Variants in USP24 observed in about 807,000 individuals in gnomAD.
USP24 encodes ubiquitin specific peptidase 24.
A neutral mutation model predicts 361.6 loss-of-function variants in USP24; 97 were observed. The ratio of observed to expected loss-of-function variants is 0.27; its 90% CI spans 0.23 to 0.32. The LOEUF (loss-of-function observed/expected upper bound fraction) is 0.32, where lower values mean the gene tolerates loss of function less well. Among genes scored for constraint, USP24 ranks in the 10% least tolerant of loss-of-function variants. USP24 has a pLI of 1.00. For synonymous variants in USP24, 1,098 were observed against 1,124.6 expected (o/e 0.98, Z 0.47); for missense variants, 2,353 against 3,165.6 (o/e 0.74, Z 6.16).
intron 24 of USP24, among the ~76,000 whole-genome samples, chr1:55,139,478 A>G (rs772802194): frequency 4.6e-5 from 7 of 152,230 alleles, no homozygotes; most frequent in Non-Finnish European, 8.8e-5. Flanking sequence ...AAAAGTTGCT[A>G]TCTAAAAATG....
In USP24 at chr1:55,073,924, G is replaced by A. The variant is rs1644969701; in HGVS notation, c.7448-18C>T. On this transcript the variant is annotated intron_variant, in intron 63 of 67. Transcript: ENST00000294383. ...CATCAAAGCTGAGGGAAGAGAAAAG[G>A]ACATTTTAACAATAAAAGACTCAAC... 4 of 1,555,108 alleles carry A rather than the reference G, an allele frequency of 2.6e-6. No individual in the cohort carries two copies. The highest frequency in any genetic ancestry group is 3.5e-6 in the Non-Finnish European group (4 of 1,147,690).
At chr1:55,176,975 C>T (rs184341075) in intron 2 of USP24, among the ~76,000 whole-genome samples, 1,522 of 151,908 alleles carry the variant, frequency 0.01, 16 homozygotes, top group Admixed American at 0.022. Flanking sequence ...CCTGTTGTCC[C>T]GGCTACTTGG....
rs776775259 is a variant in USP24 at position 55,084,784 on chromosome 1, T to C, written c.6766-896A>G. Among the ~76,000 whole-genome samples, 5 of 152,344 alleles carry C rather than the reference T, an allele frequency of 3.3e-5. No homozygotes were observed. In the East Asian group the frequency reaches 9.6e-4, roughly 29 times the overall value. On this transcript the variant is annotated intron_variant, in intron 56 of 67. Transcript: ENST00000294383. ...CAGCTGGGCATCAGACAGAATTCAC[T>C]GAGCAAATGGCTTCCAAGTGTATGG... is the stretch of plus-strand genomic sequence containing the variant.
chr1:55,091,811 C>A (rs1645383303), intron 54 of USP24, among the ~76,000 whole-genome samples: 1 of 152,096 alleles, frequency 6.6e-6, no homozygotes, highest in Non-Finnish European at 1.5e-5. Context: ...AGAATTTATA[C>A]CTTGGTATAA....
rs1650157218 is a variant in USP24, at chr1:55,177,977, T to C, written c.480A>G (p.Leu160=). ...LGKCLLASTY[L]ARLGLSESDE... is the part of the protein sequence containing the mutation. ...GGTCTGAAAACTTACCAAGTCTTGC[T>C]AGGTAGGTAGATGCCAACAGGCATT... Residue 160 remains leucine, a synonymous_variant, in exon 2 of 68, where the codon CTA becomes CTG. Transcript: ENST00000294383. 1.3e-6 allele frequency: 2 copies of C among 1,551,258 alleles called. No individual in the cohort carries two copies. Among genetic ancestry groups the C allele is most frequent in the Admixed American group, 2.0e-5 (1 of 50,860 alleles).
intron 1 of USP24, among the ~76,000 whole-genome samples, chr1:55,190,631 G>A (rs1246372920): frequency 6.6e-6 from 1 of 152,164 alleles, no homozygotes; most frequent in Non-Finnish European, 1.5e-5. Context: ...AATGGTCACT[G>A]ATTATAAATT....
At chr1:55,189,127 T>C (rs1644219148) in intron 1 of USP24, among the ~76,000 whole-genome samples, 1 of 152,190 alleles carries the variant, frequency 6.6e-6, no homozygotes, top group Non-Finnish European at 1.5e-5. Context: ...AAGTTTCCAC[T>C]TGACATAACA....
chr1:55,076,197 A>C (rs186821886), intron 62 of USP24, among the ~76,000 whole-genome samples: 392 of 152,318 alleles, frequency 2.6e-3, no homozygotes, highest in Non-Finnish European at 4.2e-3. Flanking sequence ...CTTGCTTAGT[A>C]AAAATGTATT....
intron 57 of USP24, among the ~76,000 whole-genome samples, 175 bp from the exon 58 acceptor site, chr1:55,083,539 T>C (rs1645192788): frequency 6.6e-6 from 1 of 152,216 alleles, no homozygotes; most frequent in Non-Finnish European, 1.5e-5. Context: ...CTCACATTGC[T>C]TCACAATAAC....
chr1:55,201,681 T>C (rs1489473428), intron 1 of USP24, among the ~76,000 whole-genome samples: 1 of 138,974 alleles, frequency 7.2e-6, no homozygotes, highest in Admixed American at 7.4e-5. Context: ...ATGAGATAAA[T>C]GCTATGACAG....
intron 67 of USP24, among the ~76,000 whole-genome samples, chr1:55,070,399 GCCA>G (rs1644897378): frequency 6.6e-6 from 1 of 152,176 alleles, no homozygotes; most frequent in African/African-American, 2.4e-5. Flanking sequence ...AGAAGGAACA[GCCA>G]GAAGGGTTTG....
At chr1:55,083,156 T>C (rs1036945392) in intron 58 of USP24, 116 bp downstream of exon 58, 1 of 934,504 alleles carries the variant, frequency 1.1e-6, no homozygotes, top group Non-Finnish European at 1.6e-6. Flanking sequence ...TTCAAGTCTC[T>C]ATGGTACTAC....
intron 55 of USP24, among the ~76,000 whole-genome samples, chr1:55,086,611 A>G (rs2100449166): frequency 6.6e-6 from 1 of 152,370 alleles, no homozygotes; most frequent in South Asian, 2.1e-4. Context: ...TGGACTAGAT[A>G]TAAGGTGATA....
chr1:55,144,033 A>G, intron 21 of USP24, 94 bp downstream of exon 21: 1 of 1,039,976 alleles, frequency 9.6e-7, no homozygotes, highest in Non-Finnish European at 1.3e-6. Flanking sequence ...AAAAAAATCC[A>G]TGTTATCTCT....
intron 28 of USP24, 122 bp from the exon 29 acceptor site, chr1:55,134,535 G>A: frequency 1.2e-6 from 1 of 800,906 alleles, no homozygotes; most frequent in Non-Finnish European, 2.1e-6. Context: ...TAAAGCTTGA[G>A]GGAAGCACAG....
At chr1:55,208,114 C>T (rs981263059) in intron 1 of USP24, among the ~76,000 whole-genome samples, 15 of 152,116 alleles carry the variant, frequency 9.9e-5, no homozygotes, top group African/African-American at 3.6e-4. Context: ...ATCAAATCTA[C>T]GGCTATATAT....
chr1:55,096,487 T>TGATCAA lies in USP24; in HGVS notation c.6061+10_6061+11insTTGATC. ...AAAACTAATGGAAAATATCCATTTGTAAATACTTACTTTGATCATAAACTT... is the reference window on the plus strand; with the variant it reads ...AAAACTAATGGAAAATATCCATTTGTGATCAAAAATACTTACTTTGATCATAAACTT... On this transcript the variant is annotated intron_variant, in intron 50 of 67. Coordinates refer to ENST00000294383, the MANE Select transcript of USP24 (RefSeq NM_015306.3). 1 of 1,545,228 alleles carries TGATCAA rather than the reference T, an allele frequency of 6.5e-7. No individual in the cohort carries two copies.
chr1:55,145,027 T>G (rs1180725238), intron 20 of USP24, among the ~76,000 whole-genome samples: 1 of 152,174 alleles, frequency 6.6e-6, no homozygotes, highest in African/African-American at 2.4e-5. Context: ...TAATAACAAG[T>G]ATTGTTGAGG....
At chr1:55,174,421 G>C (rs1016393205) in intron 3 of USP24, among the ~76,000 whole-genome samples, 1 of 152,174 alleles carries the variant, frequency 6.6e-6, no homozygotes, top group Non-Finnish European at 1.5e-5. Context: ...CTTTTTAATA[G>C]CTCTAAAGTG....
Sources: allele counts gnomAD v4.1 joint callset (sites outside exome capture counted in the v4.1 genomes callset), GRCh38; gene constraint gnomAD v4.1.1; transcripts MANE v1.5; gene names NCBI Gene and HGNC (gene_info 2026-07-23, HGNC 2026-07-21).